SAMD12: variants seen among roughly 807,000 people sequenced by gnomAD.
SAMD12 encodes sterile alpha motif domain-containing protein 12.
SAMD12 carries 9 observed loss-of-function variants against 15.0 expected under a neutral mutation model. The ratio of observed to expected loss-of-function variants is 0.60; its 90% CI spans 0.36 to 1.05. The LOEUF (loss-of-function observed/expected upper bound fraction) is 1.05. Among genes scored for constraint, SAMD12 ranks in the 50% least tolerant of loss-of-function variants. SAMD12 has a pLI of 0.01. For missense variants in SAMD12, 230 were observed against 234.2 expected, an observed-to-expected ratio of 0.98 and a Z score of 0.12; for synonymous variants, 86 against 90.1, an observed-to-expected ratio of 0.96 and a Z score of 0.25.
Position 118,472,285 on chromosome 8 carries a change from TA to T in SAMD12, c.193-32325del, listed in dbSNP as rs573240063. On this transcript the variant is annotated intron_variant, in intron 2 of 3. Coordinates refer to ENST00000314727, the MANE Select transcript of SAMD12 (RefSeq NM_207506.3). ...CCGGGTGACAGAGCGAGACTCCATC[TA>T]AAAAAAAAAAAAAAGAGTACAAGTA... Among the ~76,000 whole-genome samples, 745 of 137,894 alleles carry T rather than the reference TA, an allele frequency of 5.4e-3. 6 individuals carry two copies. Among genetic ancestry groups the T allele is most frequent in the African/African-American group, 6.9e-3 (260 of 37,536 alleles). The allele number at this position is 137,894 out of a possible 152,430, so 90.5% of individuals were successfully genotyped here. A position where few individuals can be genotyped will look rare whatever the true frequency, so the allele number is the denominator to read the frequency against.
At chr8:118,138,237 T>C in the SAMD12 span, among the ~76,000 whole-genome samples, 6 of 152,142 alleles carry the variant, frequency 3.9e-5, 1 homozygote, top group African/African-American at 1.4e-4. Flanking sequence ...AATATCCCAG[T>C]AAGATAATGT....
chr8:118,207,525 C>T (rs1001891794), intron 4 of SAMD12, among the ~76,000 whole-genome samples: 3 of 152,174 alleles, frequency 2.0e-5, no homozygotes, highest in African/African-American at 4.8e-5. Context: ...ATCTAAGATA[C>T]CATTGAAATT....
At chr8:118,178,015 T>C in the SAMD12 span, among the ~76,000 whole-genome samples, 1 of 152,362 alleles carries the variant, frequency 6.6e-6, no homozygotes, top group South Asian at 2.1e-4. Context: ...TCTGAAAACC[T>C]GAAGCCATCA....
At chr8:118,605,681 A>G (rs921019490) in intron 1 of SAMD12, among the ~76,000 whole-genome samples, 2 of 151,688 alleles carry the variant, frequency 1.3e-5, no homozygotes, top group African/African-American at 4.8e-5. Flanking sequence ...AAATTGAGAT[A>G]ATAATCATCT....
At chr8:118,389,879 A>G (rs1204960843) in intron 3 of SAMD12, among the ~76,000 whole-genome samples, 1 of 152,202 alleles carries the variant, frequency 6.6e-6, no homozygotes, top group African/African-American at 2.4e-5. Flanking sequence ...GTTCTATGAA[A>G]TCTCCCAATT....
chr8:118,553,415 A>C (rs1826412284), intron 2 of SAMD12, among the ~76,000 whole-genome samples: 1 of 152,164 alleles, frequency 6.6e-6, no homozygotes, highest in African/African-American at 2.4e-5. Flanking sequence ...AAACCTGAGA[A>C]AAACAAGAAA....
intron 4 of SAMD12, among the ~76,000 whole-genome samples, chr8:118,233,771 G>A (rs565240011): frequency 2.6e-5 from 4 of 152,298 alleles, no homozygotes; most frequent in African/African-American, 9.6e-5. Flanking sequence ...TGGAGAACAG[G>A]AAAGGCCCAC....
intron 2 of SAMD12, among the ~76,000 whole-genome samples, chr8:118,471,019 T>C (rs915390946): frequency 2.0e-5 from 3 of 152,228 alleles, no homozygotes; most frequent in Non-Finnish European, 4.4e-5. Context: ...CATTTAAAAA[T>C]CTGTGAAATA....
chr8:118,404,027 G>A (rs1820997795), intron 3 of SAMD12, among the ~76,000 whole-genome samples: 1 of 152,148 alleles, frequency 6.6e-6, no homozygotes, highest in Admixed American at 6.5e-5. Context: ...TCCCCAGGCT[G>A]GAGTGCAGTG....
At chr8:118,492,807 T>C (rs1824488664) in intron 2 of SAMD12, among the ~76,000 whole-genome samples, 1 of 152,196 alleles carries the variant, frequency 6.6e-6, no homozygotes, top group Admixed American at 6.5e-5. Flanking sequence ...TTACGATATA[T>C]AAACCATATA....
intron 2 of SAMD12, among the ~76,000 whole-genome samples, chr8:118,509,313 C>T (rs1825008994): frequency 1.3e-5 from 2 of 152,110 alleles, no homozygotes. Context: ...GACTCACAGC[C>T]AAAAGAGTTG....
Position 118,580,773 on chromosome 8 carries a change from T to A in SAMD12, c.134A>T (p.Lys45Met). ...SQSIKNKNFQ[K>M]VPDQKGTPKR... ...GGGAGTTCCTTTCTGGTCAGGCACCTTCTGGAAATTTTTATTTTTAATGGA... is the reference window on the plus strand; with the variant it reads ...GGGAGTTCCTTTCTGGTCAGGCACCATCTGGAAATTTTTATTTTTAATGGA... The change falls in exon 2 of 4, where the codon AAG (lysine) becomes ATG (methionine). Residue 45 changes from lysine to methionine, a missense_variant. Coordinates refer to ENST00000314727, the MANE Select transcript of SAMD12 (RefSeq NM_207506.3). 6.2e-7 allele frequency: 1 copy of A among 1,613,388 alleles called. No homozygotes were observed. Among genetic ancestry groups the A allele is most frequent in the Non-Finnish European group, 8.5e-7 (1 of 1,179,490 alleles).
intron 4 of SAMD12, among the ~76,000 whole-genome samples, chr8:118,256,109 T>C (rs914567317): frequency 6.6e-6 from 1 of 152,188 alleles, no homozygotes; most frequent in Non-Finnish European, 1.5e-5. Context: ...TGGCCAGTGA[T>C]GGTGAGCATT....
chr8:118,307,731 T>C (rs1284578540), intron 4 of SAMD12, among the ~76,000 whole-genome samples: 1 of 152,202 alleles, frequency 6.6e-6, no homozygotes, highest in African/African-American at 2.4e-5. Context: ...ATACATTCTG[T>C]TTATTCCTCT....
rs151109062 is a variant in SAMD12 at position 118,440,463 on chromosome 8, G to A, written c.193-502C>T. Among the ~76,000 whole-genome samples, 5 of 152,194 alleles carry A rather than the reference G, an allele frequency of 3.3e-5. No homozygotes were observed. The East Asian group carries it at 7.7e-4, about 23-fold the overall frequency. On this transcript the variant is annotated intron_variant, in intron 2 of 3. Coordinates refer to ENST00000314727, the MANE Select transcript of SAMD12 (RefSeq NM_207506.3). ...ACTAAGAACTGCAAGTCTGCCTGGGGGCTCTGGACTTAGGGTGGCCCTGAA... is the reference window on the plus strand; with the variant it reads ...ACTAAGAACTGCAAGTCTGCCTGGGAGCTCTGGACTTAGGGTGGCCCTGAA...
At chr8:118,448,597 G>A (rs1455839367) in intron 2 of SAMD12, among the ~76,000 whole-genome samples, 1 of 152,180 alleles carries the variant, frequency 6.6e-6, no homozygotes, top group Non-Finnish European at 1.5e-5. Flanking sequence ...ACATTCCCAG[G>A]TTGGGACTAA....
At chr8:118,362,382 C>T (rs1818545199) in intron 4 of SAMD12, among the ~76,000 whole-genome samples, 1 of 152,102 alleles carries the variant, frequency 6.6e-6, no homozygotes, top group South Asian at 2.1e-4. Flanking sequence ...TCATCTCTTC[C>T]TCGTTTCTGT....
intron 2 of SAMD12, among the ~76,000 whole-genome samples, chr8:118,457,051 C>T (rs542225366): frequency 1.2e-4 from 18 of 152,290 alleles, no homozygotes; most frequent in Admixed American, 5.9e-4. Flanking sequence ...CACATGTTTG[C>T]TATAAGAATT....
chr8:118,603,382 C>T lies in SAMD12; in HGVS notation c.13+18422G>A, dbSNP rs555733758. ...AAAGATTCAATAATTTCAGGAAGAACTAAGTATGTTTTATACAAAGGAGAA... is the reference window on the plus strand; with the variant it reads ...AAAGATTCAATAATTTCAGGAAGAATTAAGTATGTTTTATACAAAGGAGAA... On this transcript the variant is annotated intron_variant, in intron 1 of 3. Coordinates refer to ENST00000314727, the MANE Select transcript of SAMD12 (RefSeq NM_207506.3). Among the ~76,000 whole-genome samples the T allele has an allele frequency of 8.3e-4, 127 of 152,164 alleles. No homozygotes were observed. In the Middle Eastern group the frequency reaches 0.044, roughly 53 times the overall value.
Sources: gnomAD v4.1 joint callset for allele counts (sites outside exome capture counted in the v4.1 genomes callset) on GRCh38, gnomAD v4.1.1 for gene constraint, MANE v1.5 for transcripts, NCBI Gene and HGNC (gene_info 2026-07-23, HGNC 2026-07-21) for gene names.